The following SEZ6L variants were observed in gnomAD, a reference collection of about 807,000 sequenced individuals.
SEZ6L encodes seizure 6-like protein.
A neutral mutation model predicts 106.2 loss-of-function variants in SEZ6L; 37 were observed. The ratio of observed to expected loss-of-function variants is 0.35; its 90% CI spans 0.27 to 0.46. The LOEUF (loss-of-function observed/expected upper bound fraction) is 0.46, where lower values mean the gene tolerates loss of function less well. SEZ6L is among the 20% of genes least tolerant of loss of function. The pLI, the probability that SEZ6L is intolerant of heterozygous loss-of-function variation, is 1.00. For missense variants in SEZ6L, 1,172 were observed against 1,332.8 expected (o/e 0.88, Z 1.88); for synonymous variants, 541 against 570.4 (o/e 0.95, Z 0.73).
intron 1 of SEZ6L, among the ~76,000 whole-genome samples, chr22:26,184,439 T>C (rs1418532151): frequency 2.0e-5 from 3 of 152,178 alleles, no homozygotes; most frequent in Admixed American, 6.5e-5. Context: ...CTAGTCTTAG[T>C]ATTTGTTTAT....
chr22:26,323,673 A>T (rs141606902), intron 9 of SEZ6L, among the ~76,000 whole-genome samples: 4 of 152,284 alleles, frequency 2.6e-5, no homozygotes, highest in South Asian at 2.1e-4. Flanking sequence ...AACAGATAAC[A>T]TAAGGTTTCT....
At chr22:26,369,457 C>T (rs1269491263) in intron 13 of SEZ6L, among the ~76,000 whole-genome samples, 1 of 150,666 alleles carries the variant, frequency 6.6e-6, no homozygotes, top group African/African-American at 2.5e-5. Context: ...TCTCCTGCCT[C>T]GGCCTCCCGA....
intron 15 of SEZ6L, among the ~76,000 whole-genome samples, chr22:26,377,225 G>T (rs1358660750): frequency 6.6e-6 from 1 of 152,166 alleles, no homozygotes; most frequent in Admixed American, 6.5e-5. Flanking sequence ...GCAGTGAGCT[G>T]AGATGGCACC....
intron 1 of SEZ6L, among the ~76,000 whole-genome samples, chr22:26,234,321 T>G (rs1311693922): frequency 6.6e-6 from 1 of 152,146 alleles, no homozygotes; most frequent in Non-Finnish European, 1.5e-5. Context: ...AGGCTGGACC[T>G]TGGGGGAAGG....
chr22:26,349,974 A>G (rs1409432811), intron 11 of SEZ6L, among the ~76,000 whole-genome samples: 1 of 152,118 alleles, frequency 6.6e-6, no homozygotes, highest in Non-Finnish European at 1.5e-5. Flanking sequence ...ACTACAGAGA[A>G]AGCAGTGAAG....
intron 9 of SEZ6L, among the ~76,000 whole-genome samples, chr22:26,334,223 A>G (rs1258329806): frequency 2.0e-5 from 3 of 152,216 alleles, no homozygotes; most frequent in Non-Finnish European, 4.4e-5. Flanking sequence ...ATCTAGTGCC[A>G]AAACATTTCC....
In SEZ6L at chr22:26,354,231, G is replaced by A. The variant is rs111523559; in HGVS notation, c.2599+2988G>A. On this transcript the variant is annotated intron_variant, in intron 12 of 16. Transcript: ENST00000248933. ...GATGTGGTCAAGTTAAGCTGAGGTC[G>A]CACTGGATTAAGATGGGTGTTGATC... Among the ~76,000 whole-genome samples, 1,045 of 152,302 alleles carry A rather than the reference G, an allele frequency of 6.9e-3. 10 individuals carry two copies. Among genetic ancestry groups the A allele is most frequent in the African/African-American group, 0.023 (949 of 41,560 alleles).
intron 6 of SEZ6L, among the ~76,000 whole-genome samples, chr22:26,307,869 C>T (rs1164418636): frequency 6.6e-6 from 1 of 152,150 alleles, no homozygotes; most frequent in Non-Finnish European, 1.5e-5. Flanking sequence ...TTCTTATTTT[C>T]TGCAAGTTGT....
At chr22:26,255,044 C>T (rs985817854) in intron 1 of SEZ6L, among the ~76,000 whole-genome samples, 5 of 152,188 alleles carry the variant, frequency 3.3e-5, no homozygotes, top group Non-Finnish European at 7.3e-5. Flanking sequence ...ATACATTGTG[C>T]AGACCAGTTC....
At chr22:26,286,116 A>G (rs1284396248) in intron 1 of SEZ6L, among the ~76,000 whole-genome samples, 3 of 152,246 alleles carry the variant, frequency 2.0e-5, no homozygotes, top group Non-Finnish European at 2.9e-5. Context: ...ACAGTTTTGC[A>G]GTACCTTTTA....
intron 1 of SEZ6L, among the ~76,000 whole-genome samples, chr22:26,233,699 A>G (rs1178481665): frequency 6.6e-6 from 1 of 152,208 alleles, no homozygotes; most frequent in Non-Finnish European, 1.5e-5. Context: ...TGGTCTGAAC[A>G]TGGAACACAG....
At chr22:26,315,048 G>A (rs879721293) in intron 9 of SEZ6L, among the ~76,000 whole-genome samples, 1 of 152,214 alleles carries the variant, frequency 6.6e-6, no homozygotes, top group South Asian at 2.1e-4. Context: ...GGTTGGGGGC[G>A]GAGAGAGTGC....
At chr22:26,348,777 A>AGGAGAGGGAAGGGAGGGAAGGGAG (rs1556372148) in intron 11 of SEZ6L, among the ~76,000 whole-genome samples, 72 of 4,564 alleles carry the variant, frequency 0.016, 21 homozygotes, top group African/African-American at 0.12. Flanking sequence ...AGGGGAGGGA[A>AGGAGAGGGAAGGGAGGGAAGGGAG]GGGGAGGGAA....
intron 5 of SEZ6L, among the ~76,000 whole-genome samples, chr22:26,304,418 AAGAAAG>A (rs2081569363): frequency 6.7e-6 from 1 of 149,804 alleles, no homozygotes; most frequent in African/African-American, 2.5e-5. Context: ...GAAAGAAAGA[AAGAAAG>A]AAAGAAAAAG....
intron 1 of SEZ6L, among the ~76,000 whole-genome samples, chr22:26,211,778 T>C (rs759224231): frequency 1.0e-4 from 12 of 115,090 alleles, no homozygotes; most frequent in Non-Finnish European, 1.8e-4. Flanking sequence ...CAGACCAGCC[T>C]GGGCAACATA....
intron 3 of SEZ6L, among the ~76,000 whole-genome samples, chr22:26,296,568 T>C (rs2081306408): frequency 6.6e-6 from 1 of 152,156 alleles, no homozygotes; most frequent in Non-Finnish European, 1.5e-5. Context: ...TCCAGGATAA[T>C]CTATCCCACC....
At chr22:26,264,743 CA>C (rs1031668865) in intron 1 of SEZ6L, among the ~76,000 whole-genome samples, 11 of 152,112 alleles carry the variant, frequency 7.2e-5, no homozygotes, top group Non-Finnish European at 1.5e-4. Context: ...ACTTAATTTA[CA>C]AAAACAGGAG....
chr22:26,175,593 G>A (rs1938931003), intron 1 of SEZ6L, among the ~76,000 whole-genome samples: 1 of 152,080 alleles, frequency 6.6e-6, no homozygotes, highest in Non-Finnish European at 1.5e-5. Context: ...CAAAAAAGAT[G>A]AACATAGGGA....
chr22:26,361,743 A>G (rs1045341037), intron 12 of SEZ6L, among the ~76,000 whole-genome samples: 3 of 152,138 alleles, frequency 2.0e-5, no homozygotes, highest in Non-Finnish European at 4.4e-5. Context: ...GTGCTCACAG[A>G]CATACAACTA....
Sources: allele counts gnomAD v4.1 joint callset (sites outside exome capture counted in the v4.1 genomes callset), GRCh38; gene constraint gnomAD v4.1.1; transcripts MANE v1.5; gene names NCBI Gene and HGNC (gene_info 2026-07-23, HGNC 2026-07-21).